The following FCHSD2 variants were observed in gnomAD, a reference collection of about 807,000 sequenced individuals.
FCHSD2 encodes FCH and double SH3 domains 2.
FCHSD2 carries 38 observed loss-of-function variants against 108.1 expected under a neutral mutation model. The observed-to-expected ratio is 0.35, with a 90% CI of 0.27 to 0.46. The LOEUF is 0.46. FCHSD2 is among the 20% of genes least tolerant of loss of function. FCHSD2 has a pLI of 1.00. For missense variants in FCHSD2, 751 were observed against 897.8 expected (o/e 0.84, Z 2.09); for synonymous variants, 279 against 314.7 (o/e 0.89, Z 1.20).
chr11:72,857,974 G>A (rs1360490334), intron 13 of FCHSD2, among the ~76,000 whole-genome samples: 2 of 152,110 alleles, frequency 1.3e-5, no homozygotes, highest in African/African-American at 4.8e-5. Context: ...CAATTTCAAT[G>A]ACCTCGTCTC....
chr11:72,885,514 T>C (rs1253578985), intron 12 of FCHSD2, among the ~76,000 whole-genome samples: 1 of 152,180 alleles, frequency 6.6e-6, no homozygotes. Context: ...AGACTCTGTG[T>C]GCCTGATACC....
intron 8 of FCHSD2, among the ~76,000 whole-genome samples, chr11:72,948,913 C>T (rs1401208512): frequency 6.6e-6 from 1 of 151,906 alleles, no homozygotes; most frequent in East Asian, 1.9e-4. Flanking sequence ...GATCTGCCCA[C>T]CTCGGCCTCC....
chr11:72,959,220 C>A (rs183940938), intron 8 of FCHSD2, among the ~76,000 whole-genome samples: 2 of 56,294 alleles, frequency 3.6e-5, no homozygotes, highest in Non-Finnish European at 6.1e-5. Context: ...ATCCAGCAGT[C>A]TTTTTTTTTT....
At chr11:73,014,498 G>A (rs1344677788) in intron 4 of FCHSD2, among the ~76,000 whole-genome samples, 1 of 152,036 alleles carries the variant, frequency 6.6e-6, no homozygotes, top group Non-Finnish European at 1.5e-5. Context: ...TTGCTCTCAA[G>A]ACACCTTCCA....
At chr11:72,987,308 A>G (rs942824336) in intron 6 of FCHSD2, among the ~76,000 whole-genome samples, 1 of 152,174 alleles carries the variant, frequency 6.6e-6, no homozygotes, top group African/African-American at 2.4e-5. Context: ...TAAAGCTTTC[A>G]TTTATCATTA....
At chr11:72,988,932 A>C (rs576724440) in intron 6 of FCHSD2, 32 bp downstream of exon 6, 3 of 1,570,564 alleles carry the variant, frequency 1.9e-6, no homozygotes, top group Non-Finnish European at 2.6e-6. Context: ...TTATTTGCAT[A>C]ATAATTTTCT....
chr11:73,102,705 T>A (rs1199359918), intron 2 of FCHSD2, among the ~76,000 whole-genome samples: 1 of 152,192 alleles, frequency 6.6e-6, no homozygotes, highest in Non-Finnish European at 1.5e-5. Context: ...CTTCTCTCTC[T>A]TTTTGCCCTT....
chr11:72,877,281 T>G (rs753135933), intron 12 of FCHSD2, among the ~76,000 whole-genome samples: 1 of 152,204 alleles, frequency 6.6e-6, no homozygotes, highest in African/African-American at 2.4e-5. Context: ...TATTGTTTCC[T>G]GCCAAGCTCC....
chr11:73,080,661 AGGCTG>A (rs1246701553), intron 3 of FCHSD2, among the ~76,000 whole-genome samples: 3 of 152,084 alleles, frequency 2.0e-5, no homozygotes, highest in Admixed American at 6.6e-5. Flanking sequence ...AAAGATATAG[AGGCTG>A]GGCATGGTGG....
At chr11:72,902,707 A>G (rs951133593) in intron 9 of FCHSD2, 69 bp from the exon 10 acceptor site, 1 of 946,676 alleles carries the variant, frequency 1.1e-6, no homozygotes, top group Non-Finnish European at 1.6e-6. Context: ...TATAAAGTTT[A>G]AGATTTATTC....
At chr11:72,996,234 T>C (rs1439769113) in intron 5 of FCHSD2, among the ~76,000 whole-genome samples, 2 of 152,228 alleles carry the variant, frequency 1.3e-5, no homozygotes, top group African/African-American at 4.8e-5. Context: ...TGTTATTTAC[T>C]ACCTAAGTCT....
chr11:73,000,917 G>T, intron 5 of FCHSD2, 73 bp downstream of exon 5: 1 of 1,299,942 alleles, frequency 7.7e-7, no homozygotes, highest in Non-Finnish European at 1.1e-6. Flanking sequence ...ATAAAATTTA[G>T]CATAACCTTG....
intron 8 of FCHSD2, among the ~76,000 whole-genome samples, chr11:72,963,263 T>C (rs1238679593): frequency 6.6e-6 from 1 of 152,228 alleles, no homozygotes; most frequent in Non-Finnish European, 1.5e-5. Context: ...GCAATAATGA[T>C]GATGACTACT....
chr11:73,026,466 A>T (rs950941572), intron 3 of FCHSD2, among the ~76,000 whole-genome samples: 1 of 152,226 alleles, frequency 6.6e-6, no homozygotes, highest in Non-Finnish European at 1.5e-5. Context: ...CATATCATAT[A>T]CCTTAAATAT....
Position 73,072,912 on chromosome 11 carries a change from T to G in FCHSD2, c.165+10783A>C, listed in dbSNP as rs552781591. Among the ~76,000 whole-genome samples, 3 of 152,200 alleles carry G rather than the reference T, an allele frequency of 2.0e-5. No homozygotes were observed. In the East Asian group the frequency reaches 5.8e-4, roughly 29 times the overall value. On this transcript the variant is annotated intron_variant, in intron 3 of 19. Coordinates refer to ENST00000409418, the MANE Select transcript of FCHSD2 (RefSeq NM_014824.3). ...AAAAGAGTAAAAATAGCAAAAAATT[T>G]TAGGTGCAACAGTATAAATACCACA...
At chr11:73,021,493 T>C (rs1858103624) in intron 3 of FCHSD2, among the ~76,000 whole-genome samples, 1 of 152,004 alleles carries the variant, frequency 6.6e-6, no homozygotes, top group African/African-American at 2.4e-5. Context: ...CACTTATAAA[T>C]GGGAGCTAAA....
At chr11:73,096,821 T>C (rs1433999354) in intron 2 of FCHSD2, among the ~76,000 whole-genome samples, 1 of 150,972 alleles carries the variant, frequency 6.6e-6, no homozygotes, top group Non-Finnish European at 1.5e-5. Context: ...CATGAGACCT[T>C]GTCTCAAAAC....
chr11:73,001,135 C>T lies in FCHSD2; in HGVS notation c.243-1G>A. 1 of 1,612,192 alleles carries T rather than the reference C, an allele frequency of 6.2e-7. No individual in the cohort carries two copies. The highest frequency in any genetic ancestry group is 8.5e-7 in the Non-Finnish European group (1 of 1,179,234). ...AGATTTCCAAACGGGATACATGCTC[C>T]TAAATTCAAAGAGGGATAGAAAAGC... On this transcript the variant is annotated splice_acceptor_variant, in intron 4 of 19. Coordinates refer to ENST00000409418, the MANE Select transcript of FCHSD2 (RefSeq NM_014824.3). LOFTEE classifies it high-confidence loss of function.
At position 73,087,070 on chromosome 11, in the gene FCHSD2, T is replaced by C. The variant is rs373424848; in HGVS notation, c.120-3330A>G. ...GAAAAAGGCATTGTATCATAGGAGATGACAGCTCCATGCATGTTACTGCCC... is the reference window on the plus strand; with the variant it reads ...GAAAAAGGCATTGTATCATAGGAGACGACAGCTCCATGCATGTTACTGCCC... On this transcript the variant is annotated intron_variant, in intron 2 of 19. Coordinates refer to ENST00000409418, the MANE Select transcript of FCHSD2 (RefSeq NM_014824.3). Among the ~76,000 whole-genome samples, 17 of 152,292 alleles carry C rather than the reference T, an allele frequency of 1.1e-4. No individual in the cohort carries two copies. The East Asian group carries it at 2.5e-3, about 22-fold the overall frequency.
Sources: allele counts gnomAD v4.1 joint callset (sites outside exome capture counted in the v4.1 genomes callset), GRCh38; gene constraint gnomAD v4.1.1; transcripts MANE v1.5; gene names NCBI Gene and HGNC (gene_info 2026-07-23, HGNC 2026-07-21).